The following PTK2B variants were observed in gnomAD, a reference collection of about 807,000 sequenced individuals.
PTK2B encodes the protein protein-tyrosine kinase 2-beta.
Under a neutral mutation model 142.9 loss-of-function variants are expected in PTK2B, and 71 were observed. That is an observed-to-expected ratio of 0.50 (90% CI 0.41 to 0.61). The LOEUF (loss-of-function observed/expected upper bound fraction) is 0.61, where lower values mean the gene tolerates loss of function less well. Ranked by LOEUF, PTK2B falls within the 20% of genes least tolerant of loss-of-function variation. The pLI, the probability that PTK2B is intolerant of heterozygous loss-of-function variation, is 0.00. For missense variants in PTK2B, 1,105 were observed against 1,320.4 expected, an observed-to-expected ratio of 0.84 and a Z score of 2.53; for synonymous variants, 519 against 503.4, an observed-to-expected ratio of 1.03 and a Z score of -0.42.
upstream of PTK2B, chr8:27,311,238 C>T (rs754408537): frequency 3.3e-6 from 5 of 1,521,480 alleles, no homozygotes; most frequent in Non-Finnish European, 4.4e-6. Context: ...CGCTCCATGG[C>T]ACGAGCAGCC....
At position 27,452,964 on chromosome 8, in the gene PTK2B, C is replaced by T. The variant is rs554540597; in HGVS notation, c.2549-150C>T. ...GCAAAACCAGGGAGACCAGGAGGTTCCTTCCCCTGCCCGCTTCCTGGATTC... is the reference window on the plus strand; with the variant it reads ...GCAAAACCAGGGAGACCAGGAGGTTTCTTCCCCTGCCCGCTTCCTGGATTC... On this transcript the variant is annotated intron_variant, in intron 27 of 30. Transcript: ENST00000346049. 6 of 868,352 alleles carry T rather than the reference C, an allele frequency of 6.9e-6. No individual in the cohort carries two copies. In the South Asian group the frequency reaches 8.8e-5, roughly 13 times the overall value. 53.8% of individuals were successfully genotyped at this position (868,352 alleles called of 1,614,324 possible).
chr8:27,368,426 T>A (rs1806146685), intron 1 of PTK2B, among the ~76,000 whole-genome samples: 1 of 152,048 alleles, frequency 6.6e-6, no homozygotes, highest in Non-Finnish European at 1.5e-5. Context: ...TTGGTATTCA[T>A]CCCTCCACTG....
chr8:27,434,642 G>A (rs189542924), intron 13 of PTK2B, 83 bp downstream of exon 13: 33 of 1,433,312 alleles, frequency 2.3e-5, no homozygotes, highest in Middle Eastern at 1.7e-4. Context: ...TGACATTGCC[G>A]AGGGTTTCCT....
chr8:27,353,580 C>A (rs1805225306), intron 1 of PTK2B, among the ~76,000 whole-genome samples: 1 of 152,080 alleles, frequency 6.6e-6, no homozygotes, highest in Non-Finnish European at 1.5e-5. Flanking sequence ...CACATTGATC[C>A]TGTGGTCACC....
intron 20 of PTK2B, 37 bp downstream of exon 20, chr8:27,439,435 A>C: frequency 5.7e-6 from 9 of 1,579,752 alleles, no homozygotes; most frequent in Non-Finnish European, 7.8e-6. Context: ...AAAGGTGTTC[A>C]GATTCTCACT....
At chr8:27,438,445 G>A in intron 18 of PTK2B, among the ~76,000 whole-genome samples, 1 of 6,544 alleles carries the variant, frequency 1.5e-4, no homozygotes, top group Non-Finnish European at 3.6e-4. Flanking sequence ...ATTGACATTG[G>A]CTCTGTGGCC....
intron 5 of PTK2B, 43 bp from the exon 6 acceptor site, chr8:27,430,050 T>C (rs761109752): frequency 3.2e-6 from 5 of 1,574,400 alleles, no homozygotes; most frequent in Non-Finnish European, 4.4e-6. Flanking sequence ...GACTGCCTCA[T>C]TCTCCAGCCT....
Position 27,433,431 on chromosome 8 carries a change from G to A in PTK2B, c.988-4G>A, listed in dbSNP as rs373669820. 3.3e-5 allele frequency: 54 copies of A among 1,612,334 alleles called. No individual in the cohort carries two copies. The highest frequency in any genetic ancestry group is 4.5e-5 in the East Asian group (2 of 44,870). ...CTCACCCTTGGCTGGTCTCTGCTCC[G>A]CAGGCCTTGTCCATCAAAACCTCAT... On this transcript the variant is annotated splice_polypyrimidine_tract_variant and splice_region_variant and intron_variant, in intron 10 of 30. Transcript: ENST00000346049.
At chr8:27,374,890 C>T (rs1806575167) in intron 1 of PTK2B, among the ~76,000 whole-genome samples, 1 of 152,036 alleles carries the variant, frequency 6.6e-6, no homozygotes. Flanking sequence ...CAAAGCACTG[C>T]ACTATGTGAT....
intron 26 of PTK2B, 116 bp downstream of exon 26, chr8:27,451,194 T>C (rs944112427): frequency 8.9e-6 from 11 of 1,236,190 alleles, no homozygotes; most frequent in Admixed American, 2.0e-5. Context: ...TCCTCCTCAA[T>C]GGCTTTCCAT....
chr8:27,326,654 G>T (rs1803438122), intron 1 of PTK2B, among the ~76,000 whole-genome samples: 1 of 152,200 alleles, frequency 6.6e-6, no homozygotes, highest in African/African-American at 2.4e-5. Context: ...GCCCCTCTAC[G>T]TGGGATGCTC....
intron 2 of PTK2B, among the ~76,000 whole-genome samples, chr8:27,410,711 A>C (rs557971869): frequency 1.3e-5 from 2 of 152,362 alleles, no homozygotes; most frequent in South Asian, 2.1e-4. Context: ...CTGAGTAATT[A>C]ATTCATTCAA....
intron 2 of PTK2B, among the ~76,000 whole-genome samples, chr8:27,418,794 G>A (rs879702023): frequency 1.8e-4 from 27 of 152,154 alleles, no homozygotes; most frequent in Admixed American, 1.3e-3. Flanking sequence ...TTGGGAGGCC[G>A]AGGCAGGCAG....
At position 27,434,525 on chromosome 8, in the gene PTK2B, C is replaced by A; in HGVS notation, c.1158C>A (p.Ala386=). 6.2e-7 allele frequency: 1 copy of A among 1,609,086 alleles called. No homozygotes were observed. The highest frequency in any genetic ancestry group is 2.2e-5 in the East Asian group (1 of 44,714). Residue 386 remains alanine, a synonymous_variant, in exon 13 of 31, where the codon GCC becomes GCA. Transcript: ENST00000346049. Reference sequence around the variant, plus strand: ...TCACCTCCTACAGAAACCTGGAGGCCCGGCGGTCCCACCTCTCAGAGAGCT... The same window carrying A: ...TCACCTCCTACAGAAACCTGGAGGCACGGCGGTCCCACCTCTCAGAGAGCT... ...LPQIPMLNLE[A]RRSHLSESCS... is the part of the protein sequence containing the mutation.
In PTK2B at chr8:27,409,813, C is replaced by T. The variant is rs549981486; in HGVS notation, c.205-10082C>T. Reference sequence around the variant, plus strand: ...ATCAGCTCACTGCAACCTCTGCCTCCGGGTTCAAGTGATTGGCCTTCCTCA... The same window carrying T: ...ATCAGCTCACTGCAACCTCTGCCTCTGGGTTCAAGTGATTGGCCTTCCTCA... On this transcript the variant is annotated intron_variant, in intron 2 of 30. Coordinates refer to ENST00000346049, the MANE Select transcript of PTK2B (RefSeq NM_173176.3). 9.2e-5 allele frequency among the ~76,000 whole-genome samples: 14 copies of T among 152,276 alleles called. No individual in the cohort carries two copies. The East Asian group carries it at 1.5e-3, about 17-fold the overall frequency.
At position 27,364,376 on chromosome 8, in the gene PTK2B, G is replaced by A. The variant is rs1208310324; in HGVS notation, c.-37-33172G>A. 5.3e-5 allele frequency among the ~76,000 whole-genome samples: 8 copies of A among 152,200 alleles called. 1 individual carries two copies. Among genetic ancestry groups the A allele is most frequent in the Non-Finnish European group, 8.8e-5 (6 of 68,036 alleles). On this transcript the variant is annotated intron_variant, in intron 1 of 30. Coordinates refer to ENST00000346049, the MANE Select transcript of PTK2B (RefSeq NM_173176.3). Reference sequence around the variant, plus strand: ...TACAACTGGGAAAGAAGTGCGTAACGCATTATTTCCAGCTTACCAGAAACC... The same window carrying A: ...TACAACTGGGAAAGAAGTGCGTAACACATTATTTCCAGCTTACCAGAAACC...
Position 27,451,500 on chromosome 8 carries a change from G to C in PTK2B, c.2539G>C (p.Val847Leu). Residue 847 changes from valine (V) to leucine (L), a missense_variant, in exon 27 of 31, where the codon GTC becomes CTC. Val to Leu is a conservative substitution (Grantham distance 32, BLOSUM62 1). Transcript: ENST00000346049. The part of the protein sequence containing the change: ...DKSPLTPEKE[V>L]GYLEFTGPPQ... ...CTTCCTCCAGACGCCAGAGAAGGAGGTCGGCTACCGTGAGTGTTCCCGCCC... is the reference window on the plus strand; with the variant it reads ...CTTCCTCCAGACGCCAGAGAAGGAGCTCGGCTACCGTGAGTGTTCCCGCCC... The C allele has an allele frequency of 6.2e-7, 1 of 1,614,146 alleles. No homozygotes were observed. The highest frequency in any genetic ancestry group is 8.5e-7 in the Non-Finnish European group (1 of 1,180,032).
chr8:27,376,316 T>A (rs143864189), intron 1 of PTK2B, among the ~76,000 whole-genome samples: 1 of 152,350 alleles, frequency 6.6e-6, no homozygotes, highest in Non-Finnish European at 1.5e-5. Context: ...CTGGTGATCA[T>A]CACTGGTGTC....
intron 21 of PTK2B, among the ~76,000 whole-genome samples, chr8:27,440,797 C>A (rs1479536651): frequency 1.3e-5 from 2 of 152,206 alleles, no homozygotes; most frequent in Non-Finnish European, 2.9e-5. Context: ...TGTCTCTCGA[C>A]TTTGATCTTT....
Sources: gnomAD v4.1 joint callset for allele counts (sites outside exome capture counted in the v4.1 genomes callset) on GRCh38, gnomAD v4.1.1 for gene constraint, MANE v1.5 for transcripts, NCBI Gene and HGNC (gene_info 2026-07-23, HGNC 2026-07-21) for gene names.